Variants in RPTN observed in about 807,000 individuals in gnomAD.
The protein encoded by RPTN is repetin.
A neutral mutation model predicts 3.6 loss-of-function variants in RPTN; 4 were observed. The ratio of observed to expected loss-of-function variants is 1.12; its 90% CI spans 0.55 to 2.55. The LOEUF is 2.55. Ranked by LOEUF, RPTN falls within the 30% of genes most tolerant of loss-of-function variation. The pLI, the probability that RPTN is intolerant of heterozygous loss-of-function variation, is 0.02. For synonymous variants in RPTN, 293 were observed against 319.3 expected, an observed-to-expected ratio of 0.92 and a Z score of 0.88; for missense variants, 860 against 916.7, an observed-to-expected ratio of 0.94 and a Z score of 0.80.
Position 152,156,181 on chromosome 1 carries a change from A to G in RPTN, c.918T>C (p.His306=), listed in dbSNP as rs12117601. The part of the protein sequence containing the change: ...GQTDRQDQSY[H]YGQTDRQGQS... ...GGCCTTGTCTGTCTGTCTGACCATAATGATAACTCTGGTCTTGTCTGTCCG... is the reference window on the plus strand; with the variant it reads ...GGCCTTGTCTGTCTGTCTGACCATAGTGATAACTCTGGTCTTGTCTGTCCG... The change falls in exon 3 of 3, where the codon CAT becomes CAC. Residue 306 remains histidine, a synonymous_variant. Coordinates refer to ENST00000316073, the MANE Select transcript of RPTN (RefSeq NM_001122965.1). 3 of 1,597,910 alleles carry G rather than the reference A, an allele frequency of 1.9e-6. No individual in the cohort carries two copies. The highest frequency in any genetic ancestry group is 1.1e-5 in the South Asian group (1 of 90,196).
intron 1 of RPTN, 76 bp from the exon 2 acceptor site, chr1:152,157,985 C>A: frequency 7.9e-7 from 1 of 1,259,560 alleles, no homozygotes; most frequent in South Asian, 1.3e-5. Flanking sequence ...GAAAGTGACC[C>A]CTCTGGATCT....
In RPTN at chr1:152,154,600, G is replaced by A. The variant is rs1169354490; in HGVS notation, c.*144C>T. ...CTTGGCTCTGGTCATCCTCTTTCATGTGGAATTTTTCTCTGTTAGGACAGC... is the reference window on the plus strand; with the variant it reads ...CTTGGCTCTGGTCATCCTCTTTCATATGGAATTTTTCTCTGTTAGGACAGC... On this transcript the variant is annotated 3_prime_UTR_variant, in exon 3 of 3. Coordinates refer to ENST00000316073, the MANE Select transcript of RPTN (RefSeq NM_001122965.1). 1.8e-6 allele frequency: 2 copies of A among 1,142,364 alleles called. No homozygotes were observed. Among genetic ancestry groups the A allele is most frequent in the African/African-American group, 3.1e-5 (2 of 64,270 alleles). The allele number at this position is 1,142,364 out of a possible 1,614,324, so 70.8% of individuals were successfully genotyped here.
chr1:152,157,697 G>C lies in RPTN; in HGVS notation c.138+55C>G, dbSNP rs1391945296. The C allele has an allele frequency of 2.5e-6, 4 of 1,595,506 alleles. No homozygotes were observed. In the Admixed American group the frequency reaches 5.0e-5, roughly 20 times the overall value. The stretch of plus-strand genomic sequence containing the variant: ...AAACAAAGCATCCAACCCTGGTGCA[G>C]GTGTCAGAGTCATTCACACTTGATC... On this transcript the variant is annotated intron_variant, in intron 2 of 2. Transcript: ENST00000316073.
chr1:152,155,315 T>C lies in RPTN; in HGVS notation c.1784A>G (p.Asn595Ser). The change falls in exon 3 of 3, where the codon AAT becomes AGT. Residue 595 changes from asparagine (N) to serine (S), a missense_variant. Coordinates refer to ENST00000316073, the MANE Select transcript of RPTN (RefSeq NM_001122965.1). ...QSQTGEIQGQNKYFQGTEGTR... is the reference protein window; with the variant it reads ...QSQTGEIQGQSKYFQGTEGTR... ...TCCTTCAGTCCCTTGGAAGTACTTA[T>C]TTTGCCCTTGTATTTCCCCAGTCTG... is the stretch of plus-strand genomic sequence containing the variant. 6.2e-7 allele frequency: 1 copy of C among 1,614,276 alleles called. No homozygotes were observed. The highest frequency in any genetic ancestry group is 8.5e-7 in the Non-Finnish European group (1 of 1,180,056).
In RPTN at chr1:152,154,748, C is replaced by T. The variant is rs1401636428; in HGVS notation, c.2351G>A (p.Arg784Lys). ...QTHEDEQNHQ[R>K] ...CTCTTCATGAGTTTGCCTGTCTCAT[C>T]TCTGATGGTTCTGCTCGTCTTCATG... The change falls in exon 3 of 3, where the codon AGA (arginine) becomes AAA (lysine). Residue 784 changes from arginine (R) to lysine (K), a missense_variant. Coordinates refer to ENST00000316073, the MANE Select transcript of RPTN (RefSeq NM_001122965.1). 9 of 1,613,948 alleles carry T rather than the reference C, an allele frequency of 5.6e-6. No individual in the cohort carries two copies. In the Admixed American group the frequency reaches 8.3e-5, roughly 15 times the overall value.
intron 2 of RPTN, 29 bp downstream of exon 2, chr1:152,157,723 T>C (rs1490754240): frequency 6.2e-7 from 1 of 1,612,956 alleles, no homozygotes; most frequent in Non-Finnish European, 8.5e-7. Flanking sequence ...ACACTTGATC[T>C]CATGGGGCTG....
Position 152,155,706 on chromosome 1 carries a change from G to C in RPTN, c.1393C>G (p.Gln465Glu). 6.2e-7 allele frequency: 1 copy of C among 1,602,906 alleles called. No homozygotes were observed. The highest frequency in any genetic ancestry group is 8.5e-7 in the Non-Finnish European group (1 of 1,170,990). ...GAACTCTGGCCTTGTCTGTCTGTCT[G>C]ACCATAGTGGGAACTCTGGCCTTGT... The part of the protein sequence containing the change: ...DRQGQSSHYG[Q>E]TDRQGQSSHY... The change falls in exon 3 of 3, where the codon CAG becomes GAG. Residue 465 changes from glutamine (Q) to glutamate (E), a missense_variant. By Grantham distance (29) the Gln-to-Glu change is conservative. Transcript: ENST00000316073.
chr1:152,154,641 G>C lies in RPTN; in HGVS notation c.*103C>G, dbSNP rs535814874. ...TTAGGACAGCTTCTGTGGGTCACTT[G>C]GGATTTTTGATTCTGAGATCCTTGA... On this transcript the variant is annotated 3_prime_UTR_variant, in exon 3 of 3. Coordinates refer to ENST00000316073, the MANE Select transcript of RPTN (RefSeq NM_001122965.1). 2 of 1,474,268 alleles carry C rather than the reference G, an allele frequency of 1.4e-6. No homozygotes were observed. Among genetic ancestry groups the C allele is most frequent in the Middle Eastern group, 1.8e-4 (1 of 5,550 alleles). 91.3% of individuals were successfully genotyped at this position (1,474,268 alleles called of 1,614,324 possible). A position where few individuals can be genotyped will look rare whatever the true frequency, so the allele number is the denominator to read the frequency against.
chr1:152,155,643 G>T lies in RPTN; in HGVS notation c.1456C>A (p.His486Asn). The T allele has an allele frequency of 1.9e-6, 3 of 1,602,774 alleles. No individual in the cohort carries two copies. The highest frequency in any genetic ancestry group is 2.6e-6 in the Non-Finnish European group (3 of 1,172,238). ...TCTTGTCTGTCTATCTTACCATAGT[G>T]GGAACTCTGGCCTTGTTTGTCTGGC... is the stretch of plus-strand genomic sequence containing the variant. ...SQPDKQGQSS[H>N]YGKIDRQDQS... is the part of the protein sequence containing the mutation. Residue 486 changes from histidine to asparagine, a missense_variant, in exon 3 of 3, where the codon CAC becomes AAC. Coordinates refer to ENST00000316073, the MANE Select transcript of RPTN (RefSeq NM_001122965.1).
At chr1:152,158,642 A>AT (rs968965623) in intron 1 of RPTN, among the ~76,000 whole-genome samples, 1 of 151,974 alleles carries the variant, frequency 6.6e-6, no homozygotes, top group African/African-American at 2.4e-5. Flanking sequence ...TCTCAATTAC[A>AT]TTTTTTTTCT....
intron 2 of RPTN, among the ~76,000 whole-genome samples, chr1:152,157,230 T>A (rs1313664463): frequency 1.3e-5 from 2 of 152,206 alleles, no homozygotes; most frequent in Non-Finnish European, 2.9e-5. Flanking sequence ...TTCAAAGTTA[T>A]CCCATTCCAT....
intron 2 of RPTN, 22 bp from the exon 3 acceptor site, chr1:152,156,982 A>G: frequency 6.3e-7 from 1 of 1,593,098 alleles, no homozygotes; most frequent in Non-Finnish European, 8.6e-7. Context: ...TAAAACAAAG[A>G]GCAAAATCAG....
At position 152,157,738 on chromosome 1, in the gene RPTN, T is replaced by A. The variant is rs1659236613; in HGVS notation, c.138+14A>T. ...ACACTTGATCTCATGGGGCTGTGTG[T>A]CTGTGTATCTTACCTGGAGGATGTC... On this transcript the variant is annotated intron_variant, in intron 2 of 2. Coordinates refer to ENST00000316073, the MANE Select transcript of RPTN (RefSeq NM_001122965.1). The A allele has an allele frequency of 1.2e-6, 2 of 1,613,714 alleles. No individual in the cohort carries two copies. The highest frequency in any genetic ancestry group is 1.3e-5 in the African/African-American group (1 of 74,996).
At chr1:152,157,620 C>A in intron 2 of RPTN, 132 bp downstream of exon 2, 7 of 637,996 alleles carry the variant, frequency 1.1e-5, no homozygotes, top group East Asian at 6.6e-5. Context: ...GAGAGAACTA[C>A]TAAGGAGCTG....
Position 152,156,364 on chromosome 1 carries a change from T to C in RPTN, c.735A>G (p.Arg245=), listed in dbSNP as rs760147938. ...CAAGTGTTTCAGATTGTTGTGTATG[T>C]CTTTCAGACTGACCATAATGAGAAT... ...IQDSHYGQSE[R]HTQQSETLGQ... The change falls in exon 3 of 3, where the codon AGA becomes AGG. Residue 245 remains arginine (R), a synonymous_variant. Coordinates refer to ENST00000316073, the MANE Select transcript of RPTN (RefSeq NM_001122965.1). 3.7e-6 allele frequency: 6 copies of C among 1,614,274 alleles called. No homozygotes were observed. Among genetic ancestry groups the C allele is most frequent in the Non-Finnish European group, 5.1e-6 (6 of 1,180,048 alleles).
rs767728738 is a variant in RPTN at position 152,157,841 on chromosome 1, T to G, written c.49A>C (p.Lys17Gln). 1.9e-6 allele frequency: 3 copies of G among 1,613,898 alleles called. No homozygotes were observed. Among genetic ancestry groups the G allele is most frequent in the Non-Finnish European group, 2.5e-6 (3 of 1,179,862 alleles). ...SILSVIDVFH[K>Q]YAKGNGDCAL... The stretch of plus-strand genomic sequence containing the variant: ...CAGTCCCCATTCCCTTTGGCATATT[T>G]GTGGAATACGTCAATCACACTGAGT... Residue 17 changes from lysine to glutamine, a missense_variant, in exon 2 of 3, where the codon AAA becomes CAA. By Grantham distance (53) the Lys-to-Gln change is moderately conservative. Transcript: ENST00000316073.
intron 1 of RPTN, 139 bp from the exon 2 acceptor site, chr1:152,158,048 G>T: frequency 1.5e-6 from 1 of 648,100 alleles, no homozygotes; most frequent in Non-Finnish European, 2.6e-6. Flanking sequence ...CCCCTTCCTT[G>T]CCCTGACTCA....
In RPTN at chr1:152,154,953, T is replaced by C. The variant is rs763562033; in HGVS notation, c.2146A>G (p.Arg716Gly). The C allele has an allele frequency of 9.9e-6, 16 of 1,614,166 alleles. No homozygotes were observed. The highest frequency in any genetic ancestry group is 1.3e-5 in the Non-Finnish European group (15 of 1,180,026). ...EEEQGHQTWD[R>G]HSHESQEGPC... ...CCTTCCTGACTCTCATGGCTGTGTC[T>C]ATCCCAAGTTTGATGGCCCTGCTCT... Residue 716 changes from arginine to glycine, a missense_variant, in exon 3 of 3, where the codon AGA becomes GGA. Physicochemically the swap from Arg to Gly is moderately radical, Grantham distance 125. Coordinates refer to ENST00000316073, the MANE Select transcript of RPTN (RefSeq NM_001122965.1).
chr1:152,157,963 C>T, intron 1 of RPTN, 54 bp from the exon 2 acceptor site: 1 of 1,498,384 alleles, frequency 6.7e-7, no homozygotes, highest in African/African-American at 1.4e-5. Flanking sequence ...CACGAGACAG[C>T]ATTTCCAGAG....
Sources: allele counts gnomAD v4.1 joint callset (sites outside exome capture counted in the v4.1 genomes callset), GRCh38; gene constraint gnomAD v4.1.1; transcripts MANE v1.5; gene names NCBI Gene and HGNC (gene_info 2026-07-23, HGNC 2026-07-21).